Variants in LRMDA observed in about 807,000 individuals in gnomAD.
LRMDA encodes leucine rich melanocyte differentiation associated.
A neutral mutation model predicts 29.8 loss-of-function variants in LRMDA; 18 were observed. That is an observed-to-expected ratio of 0.60 (90% CI 0.42 to 0.90). The LOEUF is 0.90. Among genes scored for constraint, LRMDA ranks in the 40% least tolerant of loss-of-function variants. LRMDA has a pLI of 0.00. For synonymous variants in LRMDA, 125 were observed against 109.4 expected (o/e 1.14, Z -0.89); for missense variants, 273 against 273.9 (o/e 1.00, Z 0.02).
At chr10:76,096,663 T>G (rs1033003449) in intron 5 of LRMDA, among the ~76,000 whole-genome samples, 2 of 152,184 alleles carry the variant, frequency 1.3e-5, no homozygotes, top group African/African-American at 4.8e-5. Flanking sequence ...GCTGGGACTT[T>G]CAGATTCTGT....
At chr10:75,641,727 A>C (rs547524930) in intron 2 of LRMDA, among the ~76,000 whole-genome samples, 1 of 152,224 alleles carries the variant, frequency 6.6e-6, no homozygotes, top group Admixed American at 6.5e-5. Flanking sequence ...GGTGTGAGCC[A>C]AAAAGCCCTT....
At chr10:75,797,698 T>C (rs1843676495) in intron 2 of LRMDA, among the ~76,000 whole-genome samples, 1 of 152,204 alleles carries the variant, frequency 6.6e-6, no homozygotes, top group African/African-American at 2.4e-5. Flanking sequence ...TTGAGATTCA[T>C]TCGTTTTGTG....
chr10:76,485,220 C>G (rs1164372874), intron 6 of LRMDA, among the ~76,000 whole-genome samples: 1 of 151,794 alleles, frequency 6.6e-6, no homozygotes, highest in African/African-American at 2.4e-5. Flanking sequence ...TTTTCCCCCT[C>G]TTTTTCTGCC....
intron 6 of LRMDA, among the ~76,000 whole-genome samples, chr10:76,514,435 G>A (rs567190318): frequency 6.6e-6 from 1 of 152,246 alleles, no homozygotes; most frequent in South Asian, 2.1e-4. Flanking sequence ...ATGTCAAGAC[G>A]GACAATGCCA....
intron 2 of LRMDA, among the ~76,000 whole-genome samples, chr10:75,783,647 A>C (rs1843422775): frequency 6.6e-6 from 1 of 152,164 alleles, no homozygotes; most frequent in Non-Finnish European, 1.5e-5. Context: ...CCATGATGTA[A>C]GTATTAACCT....
At chr10:75,734,045 G>A (rs952109311) in intron 2 of LRMDA, among the ~76,000 whole-genome samples, 2 of 152,140 alleles carry the variant, frequency 1.3e-5, no homozygotes, top group African/African-American at 2.4e-5. Flanking sequence ...GAGACACAAG[G>A]GAGATGGTTA....
chr10:75,996,519 C>T (rs1181841945), intron 2 of LRMDA, among the ~76,000 whole-genome samples: 1 of 152,174 alleles, frequency 6.6e-6, no homozygotes, highest in Admixed American at 6.5e-5. Flanking sequence ...GTATCACAGT[C>T]CCATGCTACA....
chr10:75,903,914 C>T (rs562146718), intron 2 of LRMDA, among the ~76,000 whole-genome samples: 2 of 152,280 alleles, frequency 1.3e-5, no homozygotes, highest in South Asian at 2.1e-4. Context: ...TCAGCTTCTT[C>T]GCAAATGAAA....
chr10:76,000,630 G>A (rs1847547027), intron 2 of LRMDA, among the ~76,000 whole-genome samples: 1 of 152,170 alleles, frequency 6.6e-6, no homozygotes, highest in Non-Finnish European at 1.5e-5. Context: ...CATATGGTGG[G>A]CTGCAGGTGA....
At position 75,569,912 on chromosome 10, in the gene LRMDA, G is replaced by A. The variant is rs1035109074; in HGVS notation, c.131+131418G>A. On this transcript the variant is annotated intron_variant, in intron 2 of 6. Transcript: ENST00000611255. ...CATATATGGAGGCAGTTTTGTTGAA[G>A]GCATGGCCAATGCTGTTCTCCAGGC... 2.6e-5 allele frequency among the ~76,000 whole-genome samples: 4 copies of A among 152,238 alleles called. No individual in the cohort carries two copies. The East Asian group carries it at 7.7e-4, about 29-fold the overall frequency.
chr10:76,037,230 A>C (rs180923717), intron 3 of LRMDA, among the ~76,000 whole-genome samples: 18 of 152,352 alleles, frequency 1.2e-4, no homozygotes, highest in African/African-American at 4.3e-4. Context: ...CAATGTCTGC[A>C]TTCTACTGTG....
chr10:75,785,958 T>A (rs763476703), intron 2 of LRMDA, among the ~76,000 whole-genome samples: 2 of 152,226 alleles, frequency 1.3e-5, no homozygotes, highest in Non-Finnish European at 2.9e-5. Context: ...GCTTGGGCCC[T>A]GCTTGGGCCT....
At chr10:76,414,731 T>C (rs1243160472) in intron 6 of LRMDA, among the ~76,000 whole-genome samples, 1 of 152,206 alleles carries the variant, frequency 6.6e-6, no homozygotes, top group Admixed American at 6.5e-5. Context: ...GGTTGAGCCA[T>C]GGCTTAGCTG....
chr10:75,628,544 T>C (rs950717560), intron 2 of LRMDA, among the ~76,000 whole-genome samples: 1 of 152,204 alleles, frequency 6.6e-6, no homozygotes, highest in African/African-American at 2.4e-5. Context: ...GGAATATGAT[T>C]TGGAGAAGAA....
intron 5 of LRMDA, among the ~76,000 whole-genome samples, chr10:76,163,681 T>C (rs1475401644): frequency 6.6e-6 from 1 of 152,194 alleles, no homozygotes; most frequent in East Asian, 1.9e-4. Flanking sequence ...TTAACTTTAC[T>C]GCTAATAGCT....
intron 2 of LRMDA, among the ~76,000 whole-genome samples, chr10:75,453,189 A>G (rs1475245252): frequency 1.3e-5 from 2 of 152,326 alleles, no homozygotes; most frequent in Admixed American, 6.5e-5. Flanking sequence ...CCTTCTGTGA[A>G]TGCCTTCAGA....
chr10:76,474,190 A>G (rs1233900919), intron 6 of LRMDA, among the ~76,000 whole-genome samples: 1 of 151,680 alleles, frequency 6.6e-6, no homozygotes, highest in African/African-American at 2.4e-5. Flanking sequence ...ACCTCGTGCC[A>G]TATACACCTC....
At chr10:76,383,472 G>A (rs369244752) in intron 6 of LRMDA, among the ~76,000 whole-genome samples, 2,811 of 130,918 alleles carry the variant, frequency 0.021, 101 homozygotes, top group African/African-American at 0.072. Context: ...CGCCCAGGCC[G>A]GACTGCGGAC....
intron 2 of LRMDA, among the ~76,000 whole-genome samples, chr10:75,452,956 A>G (rs867459053): frequency 8.5e-5 from 13 of 152,202 alleles, no homozygotes; most frequent in African/African-American, 2.7e-4. Context: ...TACAAGCATA[A>G]TGGTCTTTCC....
Sources: allele counts gnomAD v4.1 joint callset (sites outside exome capture counted in the v4.1 genomes callset), GRCh38; gene constraint gnomAD v4.1.1; transcripts MANE v1.5; gene names NCBI Gene and HGNC (gene_info 2026-07-23, HGNC 2026-07-21).